Variants in DCDC1 observed in about 807,000 individuals in gnomAD.
DCDC1 encodes the protein doublecortin domain containing 1.
In DCDC1, 200 loss-of-function variants were observed where a neutral mutation model predicts 178.3. The observed-to-expected ratio is 1.12, with a 90% CI of 1.00 to 1.26. The LOEUF (loss-of-function observed/expected upper bound fraction) is 1.26, where lower values mean the gene tolerates loss of function less well. Ranked by LOEUF, DCDC1 falls within the 50% of genes most tolerant of loss-of-function variation. DCDC1 has a pLI of 0.00. For synonymous variants in DCDC1, 690 were observed against 604.8 expected (o/e 1.14, Z -2.07); for missense variants, 1,983 against 1,749.2 (o/e 1.13, Z -2.38).
intron 20 of DCDC1, among the ~76,000 whole-genome samples, chr11:31,050,156 T>C (rs1955146045): frequency 6.6e-6 from 1 of 152,044 alleles, no homozygotes; most frequent in Middle Eastern, 3.2e-3. Context: ...TCAGGGCTGT[T>C]GGGGGTGGGC....
chr11:31,256,279 T>C (rs1277829642), intron 8 of DCDC1, among the ~76,000 whole-genome samples: 1 of 152,168 alleles, frequency 6.6e-6, no homozygotes, highest in Non-Finnish European at 1.5e-5. Flanking sequence ...TGCAAGTAGT[T>C]TGCAAGGTTA....
At chr11:30,889,495 T>G (rs949656634) in intron 36 of DCDC1, among the ~76,000 whole-genome samples, 3 of 152,180 alleles carry the variant, frequency 2.0e-5, no homozygotes, top group Non-Finnish European at 4.4e-5. Context: ...ACTCTGAGCT[T>G]CTTTGGAGTC....
In DCDC1 at chr11:30,952,461, C is replaced by T; in HGVS notation, c.2699G>A (p.Ser900Asn). 1 of 1,567,664 alleles carries T rather than the reference C, an allele frequency of 6.4e-7. No homozygotes were observed. Among genetic ancestry groups the T allele is most frequent in the Non-Finnish European group, 8.6e-7 (1 of 1,159,264 alleles). Reference sequence around the variant, plus strand: ...CAACACAACCTCATTAAGTTGGCCACTGGGAAGGACAGGCCACATGTAGGT... The same window carrying T: ...CAACACAACCTCATTAAGTTGGCCATTGGGAAGGACAGGCCACATGTAGGT... ...KLTYMWPVLPSGQLNEEFDWP... is the reference protein window; with the variant it reads ...KLTYMWPVLPNGQLNEEFDWP... The change falls in exon 21 of 39, where the codon AGT becomes AAT. Residue 900 changes from serine (S) to asparagine (N), a missense_variant. Physicochemically the swap from Ser to Asn is conservative, Grantham distance 46. Transcript: ENST00000684477.
intron 20 of DCDC1, among the ~76,000 whole-genome samples, chr11:30,958,027 C>T (rs1393364670): frequency 3.9e-5 from 6 of 152,142 alleles, no homozygotes; most frequent in African/African-American, 1.4e-4. Context: ...TATAGTCCCA[C>T]TTGGATGTGT....
At chr11:30,900,795 T>TA (rs911541604) in intron 32 of DCDC1, among the ~76,000 whole-genome samples, 7 of 151,826 alleles carry the variant, frequency 4.6e-5, no homozygotes, top group Non-Finnish European at 7.4e-5. Flanking sequence ...AAAATAGAGA[T>TA]AAAAAAATCA....
intron 9 of DCDC1, among the ~76,000 whole-genome samples, chr11:31,173,853 C>T (rs1288303776): frequency 6.6e-6 from 1 of 151,976 alleles, no homozygotes; most frequent in Non-Finnish European, 1.5e-5. Context: ...TTAGAATGTG[C>T]ATATTCTATA....
At chr11:30,902,176 A>G (rs912557761) in intron 32 of DCDC1, among the ~76,000 whole-genome samples, 6 of 152,158 alleles carry the variant, frequency 3.9e-5, no homozygotes, top group African/African-American at 1.4e-4. Context: ...TATGAGAGAT[A>G]GAGACTTTAA....
At chr11:31,067,557 T>C (rs1260982762) in intron 18 of DCDC1, among the ~76,000 whole-genome samples, 1 of 151,876 alleles carries the variant, frequency 6.6e-6, no homozygotes, top group Non-Finnish European at 1.5e-5. Context: ...CTATGAAAAA[T>C]GAAAACATAC....
chr11:31,020,479 C>T (rs956501119), intron 20 of DCDC1, among the ~76,000 whole-genome samples: 1 of 152,092 alleles, frequency 6.6e-6, no homozygotes, highest in African/African-American at 2.4e-5. Flanking sequence ...ATCAACTCTC[C>T]CCCATCTCTT....
chr11:31,339,579 T>C (rs76145328), intron 1 of DCDC1, among the ~76,000 whole-genome samples: 4 of 152,148 alleles, frequency 2.6e-5, no homozygotes, highest in African/African-American at 7.2e-5. Flanking sequence ...TAAAAAAAAT[T>C]TTATGAGAGC....
chr11:31,326,298 C>A (rs1949640475), intron 3 of DCDC1, among the ~76,000 whole-genome samples: 1 of 151,916 alleles, frequency 6.6e-6, no homozygotes, highest in South Asian at 2.1e-4. Flanking sequence ...GTTAAACCGA[C>A]TAACAATCAA....
chr11:31,334,685 C>T (rs182425842), intron 2 of DCDC1, among the ~76,000 whole-genome samples: 1 of 152,124 alleles, frequency 6.6e-6, no homozygotes, highest in Non-Finnish European at 1.5e-5. Context: ...CACTCCAGAC[C>T]ATGTTTGCCT....
chr11:31,345,102 T>A (rs1950746352), intron 1 of DCDC1, among the ~76,000 whole-genome samples: 1 of 152,104 alleles, frequency 6.6e-6, no homozygotes, highest in East Asian at 1.9e-4. Flanking sequence ...GAAAACCCAA[T>A]CCTGATGAAA....
At chr11:31,289,510 A>C (rs1947070049) in intron 7 of DCDC1, among the ~76,000 whole-genome samples, 1 of 152,048 alleles carries the variant, frequency 6.6e-6, no homozygotes, top group East Asian at 1.9e-4. Context: ...AAATAAATGA[A>C]GAAGTAGATA....
chr11:30,983,172 T>A (rs1950476277), intron 20 of DCDC1, among the ~76,000 whole-genome samples: 1 of 152,170 alleles, frequency 6.6e-6, no homozygotes, highest in Non-Finnish European at 1.5e-5. Flanking sequence ...AAAAAAGGCT[T>A]TGCTTTGAAT....
At chr11:31,311,644 A>G (rs754699429) in intron 3 of DCDC1, among the ~76,000 whole-genome samples, 7 of 152,192 alleles carry the variant, frequency 4.6e-5, no homozygotes, top group Non-Finnish European at 1.0e-4. Context: ...ATGTTGGCCC[A>G]AAGAGATGTG....
rs1295299147 is a variant in DCDC1, at chr11:30,931,818, T to C, written c.2850A>G (p.Arg950=). The change falls in exon 22 of 39, where the codon AGA becomes AGG. Residue 950 remains arginine (R), a synonymous_variant. Coordinates refer to ENST00000684477, the MANE Select transcript of DCDC1 (RefSeq NM_001387274.1). ...VLQNGEKNKN[R]SVTILGPDIS... ...TATCTGGACCAAGGATAGTAACGGATCTGTTTTTATTCTTCTCTCCATTCT... is the reference window on the plus strand; with the variant it reads ...TATCTGGACCAAGGATAGTAACGGACCTGTTTTTATTCTTCTCTCCATTCT... 6.2e-7 allele frequency: 1 copy of C among 1,612,914 alleles called. No homozygotes were observed. Among genetic ancestry groups the C allele is most frequent in the Admixed American group, 1.7e-5 (1 of 59,892 alleles).
intron 9 of DCDC1, among the ~76,000 whole-genome samples, chr11:31,177,269 A>G (rs1380913095): frequency 6.6e-6 from 1 of 152,136 alleles, no homozygotes; most frequent in African/African-American, 2.4e-5. Context: ...CCCCATGATA[A>G]TGACAAAGAA....
At chr11:30,976,199 T>C (rs1172222923) in intron 20 of DCDC1, among the ~76,000 whole-genome samples, 3 of 152,010 alleles carry the variant, frequency 2.0e-5, no homozygotes, top group East Asian at 3.8e-4. Context: ...TCAAGATGAA[T>C]TGAAAACTTA....
Sources: allele counts gnomAD v4.1 joint callset (sites outside exome capture counted in the v4.1 genomes callset), GRCh38; gene constraint gnomAD v4.1.1; transcripts MANE v1.5; gene names NCBI Gene and HGNC (gene_info 2026-07-23, HGNC 2026-07-21).